C11orf65: variants seen among roughly 807,000 people sequenced by gnomAD.
C11orf65 encodes protein MFI.
Under a neutral mutation model 35.3 loss-of-function variants are expected in C11orf65, and 38 were observed. The observed-to-expected ratio is 1.08, with a 90% CI of 0.83 to 1.41. C11orf65 has a LOEUF of 1.41. Ranked by LOEUF, C11orf65 falls within the 40% of genes most tolerant of loss-of-function variation. The pLI is 0.00. For missense variants in C11orf65, 370 were observed against 367.1 expected (o/e 1.01, Z -0.06); for synonymous variants, 105 against 114.4 (o/e 0.92, Z 0.53).
rs1060501689 is a variant in C11orf65 at position 108,335,845 on chromosome 11, G to A, written c.227-553C>T. On this transcript the variant is annotated intron_variant, in intron 2 of 3. Coordinates refer to the C11orf65 transcript ENST00000524755. Reference sequence around the variant, plus strand: ...TTATTCATGCTTAATTATTCTGAAGGGCCGTGATGACCTGAGACAAGATGC... The same window carrying A: ...TTATTCATGCTTAATTATTCTGAAGAGCCGTGATGACCTGAGACAAGATGC... The A allele has an allele frequency of 6.2e-7, 1 of 1,610,740 alleles. No homozygotes were observed. Among genetic ancestry groups the A allele is most frequent in the South Asian group, 1.1e-5 (1 of 90,970 alleles).
chr11:108,331,639 C>T, intron 3 of C11orf65: 1 of 1,418,536 alleles, frequency 7.0e-7, no homozygotes, highest in Non-Finnish European at 9.4e-7. Flanking sequence ...ATATACCATT[C>T]CCTCTAAGAA....
rs1165011191 is a variant in C11orf65 at position 108,323,811 on chromosome 11, T to C, written c.641-14740A>G. On this transcript the variant is annotated intron_variant, in intron 6 of 6. Transcript: ENST00000525729. ...TTGGATGAACTGGTGCACAAATGCT[T>C]ATGCTCTCAGATTACATTCCATTCA... Among the ~76,000 whole-genome samples the C allele has an allele frequency of 2.6e-5, 4 of 152,174 alleles. No homozygotes were observed. The East Asian group carries it at 7.7e-4, about 29-fold the overall frequency.
chr11:108,361,361 G>A (rs933947599), intron 2 of C11orf65, among the ~76,000 whole-genome samples: 1 of 150,696 alleles, frequency 6.6e-6, no homozygotes, highest in African/African-American at 2.4e-5. Flanking sequence ...TTGTGAAAAT[G>A]GCCATACTGC....
At chr11:108,418,756 A>G (rs1421860592) in intron 3 of C11orf65, among the ~76,000 whole-genome samples, 1 of 152,100 alleles carries the variant, frequency 6.6e-6, no homozygotes, top group Admixed American at 6.6e-5. Context: ...CTCCAAAGAG[A>G]CTGCTCAAGA....
At chr11:108,370,828 C>T (rs1001732507) in intron 2 of C11orf65, among the ~76,000 whole-genome samples, 6 of 152,066 alleles carry the variant, frequency 3.9e-5, no homozygotes, top group Admixed American at 3.9e-4. Flanking sequence ...CTAGTATAAC[C>T]TCAACTGATC....
chr11:108,464,760 C>T (rs542558940), intron 1 of C11orf65, among the ~76,000 whole-genome samples: 14 of 152,098 alleles, frequency 9.2e-5, no homozygotes, highest in African/African-American at 2.7e-4. Flanking sequence ...AGCCTGGGTT[C>T]GGAAAGGGAA....
At chr11:108,379,208 C>G (rs11212603), downstream of C11orf65, among the ~76,000 whole-genome samples, 1 of 152,096 alleles carries the variant, frequency 6.6e-6, no homozygotes, top group African/African-American at 2.4e-5. Flanking sequence ...TTCACAATAG[C>G]AAAGACTTGG....
Position 108,326,226 on chromosome 11 carries a change from GT to G in C11orf65, c.641-17156del, listed in dbSNP as rs1429066746. ...GAAGTTGGATGCCAGCTGTGCAGCG[GT>G]TTGTTTTTTTTATTGGCTGGATTAG... On this transcript the variant is annotated intron_variant, in intron 6 of 6. Transcript: ENST00000525729. The G allele has an allele frequency of 6.2e-7, 1 of 1,613,856 alleles. No homozygotes were observed. The highest frequency in any genetic ancestry group is 1.3e-5 in the African/African-American group (1 of 74,878).
chr11:108,434,217 G>A (rs1424759565), intron 2 of C11orf65, among the ~76,000 whole-genome samples: 1 of 152,100 alleles, frequency 6.6e-6, no homozygotes, highest in Non-Finnish European at 1.5e-5. Context: ...TAGGAATGGA[G>A]GTTATGTCTG....
Position 108,332,044 on chromosome 11 carries a change from G to A in C11orf65, c.300-477C>T, listed in dbSNP as rs749610251. Reference sequence around the variant, plus strand: ...AAGCTCTCAGCTTGATGAGGTATTTGGATTAAACATACGTACCTTTTAGAA... The same window carrying A: ...AAGCTCTCAGCTTGATGAGGTATTTAGATTAAACATACGTACCTTTTAGAA... On this transcript the variant is annotated intron_variant, in intron 3 of 3. Coordinates refer to the C11orf65 transcript ENST00000524755. 3.7e-6 allele frequency: 6 copies of A among 1,613,278 alleles called. No homozygotes were observed. The East Asian group carries it at 1.1e-4, about 30-fold the overall frequency.
At chr11:108,458,041 C>G (rs1258258733) in intron 2 of C11orf65, among the ~76,000 whole-genome samples, 1 of 152,058 alleles carries the variant, frequency 6.6e-6, no homozygotes. Context: ...TTTTCTAAAT[C>G]CAGCCTCTGT....
chr11:108,434,696 A>G (rs762170188), intron 2 of C11orf65, among the ~76,000 whole-genome samples: 5 of 152,144 alleles, frequency 3.3e-5, no homozygotes, highest in Non-Finnish European at 7.4e-5. Context: ...ATTATTTGGA[A>G]CACTTCCATT....
downstream of C11orf65, chr11:108,330,305 G>A (rs769722643): frequency 8.7e-6 from 14 of 1,614,186 alleles, no homozygotes; most frequent in Admixed American, 1.7e-5. Context: ...ATGTAAAGCA[G>A]TTGAAAATTA....
At chr11:108,445,285 C>G (rs1359568647) in intron 2 of C11orf65, among the ~76,000 whole-genome samples, 1 of 152,196 alleles carries the variant, frequency 6.6e-6, no homozygotes, top group Non-Finnish European at 1.5e-5. Context: ...AGCTGGAGAT[C>G]TGAGAATGGG....
Position 108,326,110 on chromosome 11 carries a change from G to A in C11orf65, c.641-17039C>T, listed in dbSNP as rs1800061. The A allele has an allele frequency of 2.3e-5, 37 of 1,614,002 alleles. No homozygotes were observed. Among genetic ancestry groups the A allele is most frequent in the Non-Finnish European group, 2.5e-5 (29 of 1,180,022 alleles). On this transcript the variant is annotated intron_variant, in intron 6 of 6. Transcript: ENST00000525729. ...AAACAGTACAATTCAGTTAGCTGTG[G>A]AGTCTCTGAGTGGCAGCTGGAAGAA...
intron 2 of C11orf65, among the ~76,000 whole-genome samples, chr11:108,434,089 G>A (rs972813093): frequency 1.3e-5 from 2 of 152,342 alleles, no homozygotes; most frequent in East Asian, 1.9e-4. Flanking sequence ...AATCTCAACA[G>A]AGAAGAATCT....
intron 2 of C11orf65, among the ~76,000 whole-genome samples, chr11:108,371,476 T>A (rs1159420838): frequency 6.6e-6 from 1 of 152,192 alleles, no homozygotes; most frequent in Non-Finnish European, 1.5e-5. Context: ...ATAAGTAGAA[T>A]CATGCAATAT....
At chr11:108,421,569 A>G (rs1406639868) in intron 3 of C11orf65, among the ~76,000 whole-genome samples, 1 of 152,090 alleles carries the variant, frequency 6.6e-6, no homozygotes, top group East Asian at 1.9e-4. Context: ...GAAGCAGGAG[A>G]ATCACTTGAA....
At chr11:108,397,059 G>A (rs968460537) in intron 6 of C11orf65, among the ~76,000 whole-genome samples, 2 of 151,896 alleles carry the variant, frequency 1.3e-5, no homozygotes, top group African/African-American at 2.4e-5. Flanking sequence ...GGTGGCTCAC[G>A]CCTGTAATCC....
Sources: gnomAD v4.1 joint callset for allele counts (sites outside exome capture counted in the v4.1 genomes callset) on GRCh38, gnomAD v4.1.1 for gene constraint, MANE v1.5 for transcripts, NCBI Gene and HGNC (gene_info 2026-07-23, HGNC 2026-07-21) for gene names.